Variants in NRG1 observed in about 807,000 individuals in gnomAD.
NRG1 encodes the protein pro-neuregulin-1, membrane-bound isoform.
In NRG1, 18 loss-of-function variants were observed where a neutral mutation model predicts 63.8. The observed-to-expected ratio is 0.28, with a 90% confidence interval of 0.19 to 0.42. The LOEUF is 0.42. Ranked by LOEUF, NRG1 falls within the 10% of genes least tolerant of loss-of-function variation. The pLI is 1.00. For synonymous variants in NRG1, 302 were observed against 301.3 expected (o/e 1.00, Z -0.02); for missense variants, 762 against 814.7 (o/e 0.94, Z 0.79).
At chr8:31,952,975 A>G (rs915521776) in intron 1 of NRG1, among the ~76,000 whole-genome samples, 2 of 152,214 alleles carry the variant, frequency 1.3e-5, no homozygotes. Context: ...ATTTGCATTA[A>G]AAAATGTTTA....
intron 5 of NRG1, among the ~76,000 whole-genome samples, chr8:32,671,342 C>T (rs1001787982): frequency 4.6e-5 from 7 of 152,032 alleles, no homozygotes; most frequent in African/African-American, 1.4e-4. Context: ...GGGCCTTACC[C>T]GGAAAGGCAA....
chr8:31,782,609 A>G (rs1819793961), intron 1 of NRG1, among the ~76,000 whole-genome samples: 1 of 152,176 alleles, frequency 6.6e-6, no homozygotes, highest in Non-Finnish European at 1.5e-5. Context: ...CGTACACATT[A>G]CATTGGGGTT....
At chr8:32,476,330 G>A (rs192461114) in intron 1 of NRG1, among the ~76,000 whole-genome samples, 3 of 148,394 alleles carry the variant, frequency 2.0e-5, no homozygotes, top group East Asian at 1.9e-4. Context: ...GCTATCCCTC[G>A]TGATCCTATT....
rs376372626 is a variant in NRG1 at position 32,253,451 on chromosome 8, T to C, written c.38-342377T>C. Among the ~76,000 whole-genome samples, 45 of 152,316 alleles carry C rather than the reference T, an allele frequency of 3.0e-4. 1 individual carries two copies. The highest frequency in any genetic ancestry group is 1.0e-3 in the African/African-American group (43 of 41,568). ...TTTTCTGCATCTATTGAGACAATCA[T>C]GTTGTTTTTGTCATTGGTTCTGCTT... On this transcript the variant is annotated intron_variant, in intron 1 of 10. Transcript: ENST00000519301.
At chr8:32,762,515 G>T (rs1222565911) in intron 11 of NRG1, among the ~76,000 whole-genome samples, 1 of 152,144 alleles carries the variant, frequency 6.6e-6, no homozygotes, top group African/African-American at 2.4e-5. Flanking sequence ...AAAGTTTGAA[G>T]GCTCAAGGCC....
chr8:32,066,200 A>C lies in NRG1; in HGVS notation c.37+426769A>C, dbSNP rs533691733. ...AAGCTCTTTAGTTTAATTAGATCCC[A>C]TTTGTCAATTTTGGCCTTTGTTGCC... On this transcript the variant is annotated intron_variant, in intron 1 of 10. Coordinates refer to the NRG1 transcript ENST00000519301. Among the ~76,000 whole-genome samples the C allele has an allele frequency of 4.6e-5, 7 of 152,264 alleles. No homozygotes were observed. The South Asian group carries it at 1.5e-3, about 32-fold the overall frequency.
intron 1 of NRG1, among the ~76,000 whole-genome samples, chr8:32,534,091 C>T (rs891890969): frequency 6.6e-6 from 1 of 151,992 alleles, no homozygotes; most frequent in African/African-American, 2.4e-5. Flanking sequence ...CTTTAACAGC[C>T]ACATACTTCT....
intron 1 of NRG1, among the ~76,000 whole-genome samples, chr8:31,759,892 G>A (rs550336555): frequency 5.3e-5 from 8 of 152,072 alleles, no homozygotes. Flanking sequence ...TCTCACCAAT[G>A]TTTTGTAGTT....
chr8:32,334,610 A>G (rs1291831806), intron 1 of NRG1, among the ~76,000 whole-genome samples: 1 of 152,200 alleles, frequency 6.6e-6, no homozygotes, highest in Admixed American at 6.5e-5. Flanking sequence ...GTACTTTCCC[A>G]GTTATTGCTC....
At chr8:32,658,504 A>C (rs1011549864) in intron 5 of NRG1, among the ~76,000 whole-genome samples, 1 of 152,202 alleles carries the variant, frequency 6.6e-6, no homozygotes, top group Non-Finnish European at 1.5e-5. Context: ...CTTTTACTAA[A>C]TAACCCAGAC....
chr8:32,008,702 C>T (rs1235042461), intron 1 of NRG1, among the ~76,000 whole-genome samples: 1 of 152,002 alleles, frequency 6.6e-6, no homozygotes, highest in Non-Finnish European at 1.5e-5. Flanking sequence ...TGGTATGATA[C>T]TAATTATCCT....
chr8:32,135,628 C>T (rs1336802427), intron 1 of NRG1, among the ~76,000 whole-genome samples: 1 of 152,018 alleles, frequency 6.6e-6, no homozygotes, highest in African/African-American at 2.4e-5. Flanking sequence ...GGCAAGATTA[C>T]TTGTTATTTT....
At chr8:32,499,970 T>G (rs540751493) in intron 1 of NRG1, among the ~76,000 whole-genome samples, 1 of 152,280 alleles carries the variant, frequency 6.6e-6, no homozygotes, top group Admixed American at 6.5e-5. Context: ...ATTCAGTTTA[T>G]AAAGGGGGGA....
chr8:32,639,213 C>T (rs1181571092), intron 5 of NRG1, among the ~76,000 whole-genome samples: 1 of 152,040 alleles, frequency 6.6e-6, no homozygotes, highest in Non-Finnish European at 1.5e-5. Flanking sequence ...GGAGACCAGC[C>T]TGGCCAACAT....
intron 1 of NRG1, among the ~76,000 whole-genome samples, chr8:32,100,116 C>A (rs1220175485): frequency 6.6e-6 from 1 of 152,018 alleles, no homozygotes; most frequent in Non-Finnish European, 1.5e-5. Flanking sequence ...CCCCTTCCCC[C>A]TCTTTTCCTC....
intron 1 of NRG1, among the ~76,000 whole-genome samples, chr8:32,348,489 T>C (rs1805187700): frequency 6.6e-6 from 1 of 152,238 alleles, no homozygotes; most frequent in Non-Finnish European, 1.5e-5. Flanking sequence ...TTTCCTGCAC[T>C]GTGCATGATT....
chr8:31,993,143 G>A (rs1563658438), intron 1 of NRG1, among the ~76,000 whole-genome samples: 1 of 151,984 alleles, frequency 6.6e-6, no homozygotes, highest in Non-Finnish European at 1.5e-5. Context: ...CTGTGGGGTT[G>A]ACTCGAGTAG....
At chr8:32,137,238 G>A (rs944751372) in intron 1 of NRG1, among the ~76,000 whole-genome samples, 4 of 152,110 alleles carry the variant, frequency 2.6e-5, no homozygotes, top group Admixed American at 6.5e-5. Flanking sequence ...TTGAGGTCAC[G>A]AGTTCAAGAC....
intron 1 of NRG1, among the ~76,000 whole-genome samples, chr8:31,977,070 C>T (rs1174123990): frequency 6.6e-6 from 1 of 152,146 alleles, no homozygotes; most frequent in East Asian, 1.9e-4. Flanking sequence ...TGCCTTTGTG[C>T]ATGAAGACAG....
Sources: gnomAD v4.1 joint callset for allele counts (sites outside exome capture counted in the v4.1 genomes callset) on GRCh38, gnomAD v4.1.1 for gene constraint, MANE v1.5 for transcripts, NCBI Gene and HGNC (gene_info 2026-07-23, HGNC 2026-07-21) for gene names.